DPP6: variants seen among roughly 807,000 people sequenced by gnomAD.
DPP6 encodes the protein dipeptidyl peptidase like 6.
A neutral mutation model predicts 122.6 loss-of-function variants in DPP6; 69 were observed. The observed-to-expected ratio is 0.56, with a 90% CI of 0.46 to 0.69. The LOEUF (loss-of-function observed/expected upper bound fraction) is 0.69. DPP6 is among the 30% of genes least tolerant of loss of function. The pLI is 0.00. For missense variants in DPP6, 928 were observed against 1,116.9 expected, an observed-to-expected ratio of 0.83 and a Z score of 2.41; for synonymous variants, 418 against 433.1, an observed-to-expected ratio of 0.97 and a Z score of 0.43.
chr7:154,280,418 C>T lies in DPP6; in HGVS notation c.244-165796C>T, dbSNP rs1211122045. On this transcript the variant is annotated intron_variant, in intron 1 of 25. Transcript: ENST00000377770. ...CAGGCAGCAGACCTTGGCTCATACC[C>T]AAACTCCCCACTCACTGAACCTGCA... Among the ~76,000 whole-genome samples, 3 of 152,248 alleles carry T rather than the reference C, an allele frequency of 2.0e-5. No homozygotes were observed. The East Asian group carries it at 5.8e-4, about 29-fold the overall frequency.
At chr7:153,901,950 A>C (rs1443075594) in intron 1 of DPP6, among the ~76,000 whole-genome samples, 1 of 152,214 alleles carries the variant, frequency 6.6e-6, no homozygotes, top group Non-Finnish European at 1.5e-5. Flanking sequence ...TTGTAGCAAA[A>C]ATGTGCTTTG....
At chr7:153,860,668 G>A in the DPP6 span, among the ~76,000 whole-genome samples, 1 of 149,028 alleles carries the variant, frequency 6.7e-6, no homozygotes, top group South Asian at 2.1e-4. Context: ...AAAAAAAAGG[G>A]GCCCTGTATT....
At chr7:154,424,036 AT>A (rs1433903855) in intron 1 of DPP6, among the ~76,000 whole-genome samples, 1 of 152,070 alleles carries the variant, frequency 6.6e-6, no homozygotes, top group East Asian at 1.9e-4. Context: ...ATATATGAAA[AT>A]TTTTTGACTC....
At chr7:154,222,409 A>G (rs1800355927) in intron 1 of DPP6, among the ~76,000 whole-genome samples, 1 of 151,916 alleles carries the variant, frequency 6.6e-6, no homozygotes, top group Non-Finnish European at 1.5e-5. Context: ...TAATCCCAGC[A>G]CTTTGGGAGG....
intron 1 of DPP6, among the ~76,000 whole-genome samples, chr7:153,910,363 G>A (rs1333500466): frequency 6.6e-6 from 1 of 151,720 alleles, no homozygotes; most frequent in Non-Finnish European, 1.5e-5. Flanking sequence ...CTGAGTAGCT[G>A]GGACTATAGG....
intron 1 of DPP6, among the ~76,000 whole-genome samples, chr7:154,390,028 C>T (rs945684822): frequency 2.0e-5 from 3 of 152,204 alleles, no homozygotes; most frequent in Non-Finnish European, 4.4e-5. Context: ...AAGTGGGTGT[C>T]CTCCATGACA....
chr7:154,712,630 G>A (rs1411499067), intron 7 of DPP6, among the ~76,000 whole-genome samples: 1 of 152,174 alleles, frequency 6.6e-6, no homozygotes, highest in Non-Finnish European at 1.5e-5. Flanking sequence ...GAGAATGAAT[G>A]CCCAGCAAAG....
At chr7:154,280,487 A>G (rs1412347466) in intron 1 of DPP6, among the ~76,000 whole-genome samples, 1 of 152,206 alleles carries the variant, frequency 6.6e-6, no homozygotes, top group Non-Finnish European at 1.5e-5. Context: ...GGGAACAGCC[A>G]CAATAATGCT....
intron 1 of DPP6, among the ~76,000 whole-genome samples, chr7:154,330,813 T>C (rs1399872888): frequency 2.0e-5 from 3 of 152,120 alleles, no homozygotes; most frequent in Admixed American, 6.5e-5. Context: ...CTGTGTGAAG[T>C]TGGACAAATG....
chr7:154,248,027 A>G (rs911663315), intron 1 of DPP6, among the ~76,000 whole-genome samples: 14 of 152,138 alleles, frequency 9.2e-5, no homozygotes, highest in Non-Finnish European at 1.6e-4. Context: ...GGGTGTCAGC[A>G]TGGTTGGGTT....
chr7:154,579,606 G>GTT (rs1831911603), intron 5 of DPP6, among the ~76,000 whole-genome samples: 1 of 152,198 alleles, frequency 6.6e-6, no homozygotes, highest in African/African-American at 2.4e-5. Flanking sequence ...CCATTGGCAA[G>GTT]CTTGCACCTT....
rs1001622653 is a variant in DPP6 at position 154,618,403 on chromosome 7, C to T, written c.628-19418C>T. 2.0e-5 allele frequency among the ~76,000 whole-genome samples: 3 copies of T among 152,204 alleles called. No homozygotes were observed. Among genetic ancestry groups the T allele is most frequent in the African/African-American group, 4.8e-5 (2 of 41,434 alleles). ...ACTGCAGCGAGCTGGATTTCAGACC[C>T]TTCCTGTGCACACACACTGTTGCTT... On this transcript the variant is annotated intron_variant, in intron 5 of 25. Coordinates refer to ENST00000377770, the MANE Select transcript of DPP6 (RefSeq NM_130797.4). The surrounding 1 kb of genome is among the most constrained non-coding windows in gnomAD (Gnocchi z 4.1).
intron 17 of DPP6, among the ~76,000 whole-genome samples, chr7:154,854,064 G>A (rs568288468): frequency 1.3e-5 from 2 of 152,264 alleles, no homozygotes; most frequent in South Asian, 4.2e-4. Context: ...AGCCTGGAGG[G>A]TCATTCCAGG....
chr7:154,137,287 T>G (rs1029785759), intron 1 of DPP6, among the ~76,000 whole-genome samples: 1 of 152,072 alleles, frequency 6.6e-6, no homozygotes, highest in African/African-American at 2.4e-5. Context: ...AAGTCCCTGC[T>G]GGAAACCAGC....
At chr7:154,120,081 T>C (rs1399011436) in intron 1 of DPP6, among the ~76,000 whole-genome samples, 1 of 152,216 alleles carries the variant, frequency 6.6e-6, no homozygotes, top group Non-Finnish European at 1.5e-5. Flanking sequence ...ATATTGAGAG[T>C]TTCACTCTCA....
the DPP6 span, among the ~76,000 whole-genome samples, chr7:153,831,291 T>C: frequency 6.6e-6 from 1 of 152,170 alleles, no homozygotes; most frequent in Non-Finnish European, 1.5e-5. Flanking sequence ...GGAGCTAACA[T>C]TTCCAAAGGC....
At chr7:154,082,456 A>C (rs1198005937) in intron 1 of DPP6, among the ~76,000 whole-genome samples, 1 of 152,026 alleles carries the variant, frequency 6.6e-6, no homozygotes, top group Non-Finnish European at 1.5e-5. Flanking sequence ...TACTGCTGAG[A>C]GTCAAATCCC....
intron 1 of DPP6, among the ~76,000 whole-genome samples, chr7:154,256,842 A>C (rs1802686011): frequency 1.3e-5 from 2 of 152,198 alleles, no homozygotes; most frequent in South Asian, 4.1e-4. Flanking sequence ...AGATTCTGGT[A>C]AGATGTTAGG....
intron 3 of DPP6, among the ~76,000 whole-genome samples, chr7:154,499,528 T>A (rs1825044219): frequency 6.6e-6 from 1 of 152,198 alleles, no homozygotes; most frequent in Admixed American, 6.5e-5. Flanking sequence ...TAAGAGTCTC[T>A]TCATTTTCTC....
Sources: gnomAD v4.1 joint callset for allele counts (sites outside exome capture counted in the v4.1 genomes callset) on GRCh38, gnomAD v4.1.1 for gene constraint, Gnocchi (gnomAD v3.1) non-coding constraint, MANE v1.5 for transcripts, NCBI Gene and HGNC (gene_info 2026-07-23, HGNC 2026-07-21) for gene names.